Variants in FRMPD4 observed in about 807,000 individuals in gnomAD.
FRMPD4 encodes FERM and PDZ domain-containing protein 4.
FRMPD4 carries 22 observed loss-of-function variants against 94.1 expected under a neutral mutation model. The observed-to-expected ratio is 0.23, with a 90% CI of 0.17 to 0.33. The LOEUF (loss-of-function observed/expected upper bound fraction) is 0.33, where lower values mean the gene tolerates loss of function less well. Among genes scored for constraint, FRMPD4 ranks in the 10% least tolerant of loss-of-function variants. FRMPD4 has a pLI of 1.00. For synonymous variants in FRMPD4, 631 were observed against 548.6 expected (o/e 1.15, Z -2.10); for missense variants, 1,111 against 1,339.9 (o/e 0.83, Z 2.67).
chrX:12,331,596 TATATATATAATATA>T (rs1311836508), intron 1 of FRMPD4, among the ~76,000 whole-genome samples: 1 of 81,372 alleles, frequency 1.2e-5, no homozygotes, highest in East Asian at 3.4e-4. Context: ...ACGAATCATA[TATATATATAATATA>T]ATATATATAT....
At chrX:12,412,141 G>T (rs994849113) in intron 1 of FRMPD4, among the ~76,000 whole-genome samples, 2 of 112,234 alleles carry the variant, frequency 1.8e-5, no homozygotes, top group Non-Finnish European at 3.8e-5. Flanking sequence ...CATTATGTGT[G>T]ATTCAAAAGT....
At chrX:11,904,748 C>T (rs2053958442) in intron 3 of FRMPD4, among the ~76,000 whole-genome samples, 2 of 112,103 alleles carry the variant, frequency 1.8e-5, no homozygotes, top group African/African-American at 3.2e-5. Context: ...TTGCTGTTCT[C>T]ACTTTAATGT....
chrX:12,462,025 A>C (rs910740441), intron 1 of FRMPD4, among the ~76,000 whole-genome samples: 1 of 111,855 alleles, frequency 8.9e-6, no homozygotes, highest in African/African-American at 3.3e-5. Flanking sequence ...TGCTGCCTTC[A>C]CTTTAGGTAT....
intron 11 of FRMPD4, 120 bp from the exon 12 acceptor site, chrX:12,706,706 A>G: frequency 2.3e-6 from 1 of 432,171 alleles, no homozygotes; most frequent in Non-Finnish European, 4.1e-6. Flanking sequence ...TCTTTGTCAC[A>G]TCTCAACTTT....
At chrX:12,001,082 A>G (rs1386439629) in intron 3 of FRMPD4, among the ~76,000 whole-genome samples, 2 of 112,101 alleles carry the variant, frequency 1.8e-5, no homozygotes, top group Admixed American at 9.5e-5. Context: ...TAATGAAGGT[A>G]TCTGTACTGT....
intron 3 of FRMPD4, among the ~76,000 whole-genome samples, chrX:12,004,405 T>C: frequency 8.9e-6 from 1 of 111,797 alleles, no homozygotes; most frequent in Admixed American, 9.5e-5. Context: ...CTTTGATCTG[T>C]ATCACCACAT....
intron 2 of FRMPD4, among the ~76,000 whole-genome samples, chrX:12,585,154 G>A (rs1354886692): frequency 9.0e-6 from 1 of 110,847 alleles, no homozygotes; most frequent in Non-Finnish European, 1.9e-5. Flanking sequence ...CTGACCTCAA[G>A]TGATCTGCGC....
At chrX:12,053,135 C>A (rs987127704) in intron 3 of FRMPD4, among the ~76,000 whole-genome samples, 1 of 109,096 alleles carries the variant, frequency 9.2e-6, no homozygotes. Flanking sequence ...GTCAGGAGAT[C>A]GAGACCAGCC....
chrX:12,445,955 A>C (rs1010826854), intron 1 of FRMPD4, among the ~76,000 whole-genome samples: 5 of 112,712 alleles, frequency 4.4e-5, no homozygotes, highest in Admixed American at 9.4e-5. Flanking sequence ...TGTGTTTGAT[A>C]ACATCTATTG....
At chrX:11,870,575 G>A (rs540479659) in intron 2 of FRMPD4, among the ~76,000 whole-genome samples, 2 of 111,448 alleles carry the variant, frequency 1.8e-5, no homozygotes, top group African/African-American at 3.3e-5. Context: ...TTTTCAGCCC[G>A]GGGTGAGAGG....
rs181973506 is a variant in FRMPD4 at position 12,443,421 on chromosome X, G to A, written c.42-55259G>A. 3.8e-3 allele frequency among the ~76,000 whole-genome samples: 426 copies of A among 111,423 alleles called. 4 individuals are homozygous for A. Among genetic ancestry groups the A allele is most frequent in the Non-Finnish European group, 5.0e-3 (266 of 52,976 alleles). ...ATATAAGCAATGTTTTTTTAAATTG[G>A]TAAAATACTGTACATTCTTTTTATT... On this transcript the variant is annotated intron_variant, in intron 1 of 16. Transcript: ENST00000675598.
At chrX:12,649,546 G>A (rs1370342689) in intron 4 of FRMPD4, among the ~76,000 whole-genome samples, 3 of 111,346 alleles carry the variant, frequency 2.7e-5, no homozygotes, top group Non-Finnish European at 5.7e-5. Context: ...TCCTAGGAGT[G>A]GATAAATCTG....
chrX:12,207,462 C>T (rs1473273862), intron 1 of FRMPD4, among the ~76,000 whole-genome samples: 1 of 110,581 alleles, frequency 9.0e-6, no homozygotes, highest in Non-Finnish European at 1.9e-5. Context: ...AACTATTGGA[C>T]TATTTTGCTG....
At chrX:12,378,733 A>G (rs1347481919) in intron 1 of FRMPD4, among the ~76,000 whole-genome samples, 1 of 112,027 alleles carries the variant, frequency 8.9e-6, no homozygotes, top group East Asian at 2.8e-4. Flanking sequence ...AGAGAAAGGG[A>G]GAGATTTTCT....
intron 1 of FRMPD4, among the ~76,000 whole-genome samples, chrX:12,286,049 A>C: frequency 8.9e-6 from 1 of 111,905 alleles, no homozygotes; most frequent in Non-Finnish European, 1.9e-5. Flanking sequence ...CAATAACCCC[A>C]CTTCTTCCAT....
At chrX:12,108,518 A>C (rs1156312217) in intron 3 of FRMPD4, among the ~76,000 whole-genome samples, 1 of 112,260 alleles carries the variant, frequency 8.9e-6, no homozygotes, top group Non-Finnish European at 1.9e-5. Flanking sequence ...GCATCAACTA[A>C]TGAGCAAAAT....
In FRMPD4 at chrX:11,982,321, T is replaced by C. The variant is rs756037143; in HGVS notation, c.95+104303T>C. 6.3e-5 allele frequency among the ~76,000 whole-genome samples: 7 copies of C among 111,051 alleles called. No individual in the cohort carries two copies. The South Asian group carries it at 1.9e-3, about 30-fold the overall frequency. ...TAGGTGAACGATCTTTTCTTTTTTTTCCCCGTCTTTTGAGATCTTCTCTTT... is the reference window on the plus strand; with the variant it reads ...TAGGTGAACGATCTTTTCTTTTTTTCCCCCGTCTTTTGAGATCTTCTCTTT... On this transcript the variant is annotated intron_variant, in intron 3 of 18. Transcript: ENST00000640291.
intron 1 of FRMPD4, among the ~76,000 whole-genome samples, chrX:12,401,542 C>A (rs1379809438): frequency 9.0e-6 from 1 of 111,675 alleles, no homozygotes; most frequent in Admixed American, 9.5e-5. Context: ...TCTCCCAACA[C>A]TCTCCCTGTC....
At chrX:12,438,075 C>G (rs2057090631) in intron 1 of FRMPD4, among the ~76,000 whole-genome samples, 1 of 111,165 alleles carries the variant, frequency 9.0e-6, no homozygotes, top group Admixed American at 9.6e-5. Context: ...GATTTTGCAG[C>G]CCTAAAAAGA....
Sources: gnomAD v4.1 joint callset for allele counts (sites outside exome capture counted in the v4.1 genomes callset) on GRCh38, gnomAD v4.1.1 for gene constraint, MANE v1.5 for transcripts, NCBI Gene and HGNC (gene_info 2026-07-23, HGNC 2026-07-21) for gene names.